LRRTM4: variants seen among roughly 807,000 people sequenced by gnomAD.
LRRTM4 encodes leucine-rich repeat transmembrane neuronal protein 4.
Under a neutral mutation model 47.6 loss-of-function variants are expected in LRRTM4, and 25 were observed. The ratio of observed to expected loss-of-function variants is 0.53; its 90% confidence interval spans 0.38 to 0.73. The LOEUF (loss-of-function observed/expected upper bound fraction) is 0.73, where lower values mean the gene tolerates loss of function less well. Among genes scored for constraint, LRRTM4 ranks in the 30% least tolerant of loss-of-function variants. The pLI is 0.00. For synonymous variants in LRRTM4, 311 were observed against 269.5 expected (o/e 1.15, Z -1.51); for missense variants, 638 against 713.4 (o/e 0.89, Z 1.20).
intron 2 of LRRTM4, among the ~76,000 whole-genome samples, chr2:77,520,208 T>C (rs889288408): frequency 1.3e-5 from 2 of 152,070 alleles, no homozygotes; most frequent in Non-Finnish European, 2.9e-5. Flanking sequence ...AACCACTGTA[T>C]TGAACAACAG....
intron 3 of LRRTM4, among the ~76,000 whole-genome samples, chr2:77,138,385 C>A (rs537463333): frequency 2.6e-5 from 4 of 152,144 alleles, no homozygotes; most frequent in Non-Finnish European, 4.4e-5. Flanking sequence ...GGGTACATAA[C>A]GAAATGAAGG....
intron 3 of LRRTM4, among the ~76,000 whole-genome samples, chr2:76,970,671 A>G (rs1336595528): frequency 4.6e-5 from 7 of 152,056 alleles, no homozygotes; most frequent in Non-Finnish European, 1.0e-4. Flanking sequence ...CCATCTTCAC[A>G]TATGTTCTGC....
intron 3 of LRRTM4, among the ~76,000 whole-genome samples, chr2:77,124,067 T>G (rs1280569053): frequency 6.6e-6 from 1 of 151,336 alleles, no homozygotes; most frequent in African/African-American, 2.5e-5. Flanking sequence ...AGTGATCTAC[T>G]CATTTTTCTA....
intron 3 of LRRTM4, among the ~76,000 whole-genome samples, chr2:77,231,692 T>C (rs533108395): frequency 6.6e-6 from 1 of 152,226 alleles, no homozygotes; most frequent in East Asian, 1.9e-4. Context: ...GCAGGAATCC[T>C]CTCAGGTGCT....
intron 3 of LRRTM4, among the ~76,000 whole-genome samples, chr2:77,331,990 A>G (rs1037941386): frequency 1.1e-4 from 17 of 152,170 alleles, no homozygotes; most frequent in African/African-American, 3.9e-4. Context: ...AATTTAATTA[A>G]TTAAGATCAA....
At chr2:76,873,091 CA>C (rs1397332172) in intron 3 of LRRTM4, among the ~76,000 whole-genome samples, 2 of 152,086 alleles carry the variant, frequency 1.3e-5, no homozygotes, top group Admixed American at 1.3e-4. Context: ...TATAACAACA[CA>C]ACTGAACTAA....
chr2:77,390,532 A>C (rs1367201071), intron 3 of LRRTM4, among the ~76,000 whole-genome samples: 1 of 151,946 alleles, frequency 6.6e-6, no homozygotes, highest in East Asian at 1.9e-4. Flanking sequence ...ATATATGAAG[A>C]TTTAGACATA....
rs551644212 is a variant in LRRTM4, at chr2:76,863,674, AAAT to A, written c.1552-114761_1552-114759del. Among the ~76,000 whole-genome samples the A allele has an allele frequency of 4.8e-3, 736 of 152,288 alleles. 5 individuals are homozygous for A. Among genetic ancestry groups the A allele is most frequent in the African/African-American group, 0.016 (679 of 41,568 alleles). Reference sequence around the variant, plus strand: ...TCTAAAGCTAAGTGCGGAGTTTTTCAAATAATAATATTCAATAGATGCTACTTA... The same window carrying A: ...TCTAAAGCTAAGTGCGGAGTTTTTCAAATAATATTCAATAGATGCTACTTA... On this transcript the variant is annotated intron_variant, in intron 3 of 3. Transcript: ENST00000409884.
At chr2:77,293,562 CAT>C (rs1392982880) in intron 3 of LRRTM4, among the ~76,000 whole-genome samples, 2 of 152,090 alleles carry the variant, frequency 1.3e-5, no homozygotes, top group East Asian at 1.9e-4. Flanking sequence ...AGTCTAAGCT[CAT>C]ATGCATTTTT....
chr2:76,977,299 C>T (rs962147812), intron 3 of LRRTM4, among the ~76,000 whole-genome samples: 4 of 150,854 alleles, frequency 2.7e-5, no homozygotes, highest in Non-Finnish European at 5.9e-5. Context: ...AAATGTTTTG[C>T]TAAGGTCTTC....
At chr2:77,412,815 T>C (rs1200267997) in intron 3 of LRRTM4, among the ~76,000 whole-genome samples, 1 of 152,226 alleles carries the variant, frequency 6.6e-6, no homozygotes, top group African/African-American at 2.4e-5. Context: ...GCTGACATAT[T>C]GGATAGTAAA....
At chr2:77,241,223 C>T (rs987326053) in intron 3 of LRRTM4, among the ~76,000 whole-genome samples, 1 of 110,142 alleles carries the variant, frequency 9.1e-6, no homozygotes, top group East Asian at 2.2e-4. Flanking sequence ...CACACACACA[C>T]ACACACACAC....
At chr2:77,397,833 C>A (rs987212754) in intron 3 of LRRTM4, among the ~76,000 whole-genome samples, 3 of 151,808 alleles carry the variant, frequency 2.0e-5, no homozygotes, top group African/African-American at 7.3e-5. Flanking sequence ...AGACTCTGCA[C>A]CAAGTGTATA....
rs144741374 is a variant in LRRTM4 at position 77,406,775 on chromosome 2, A to G, written c.1551+111543T>C. On this transcript the variant is annotated intron_variant, in intron 3 of 3. Transcript: ENST00000409884. Reference sequence around the variant, plus strand: ...ATGAGAGATTACTTTCATTTAATATAAAGAGCTGAAGTAGAAAACATTTCT... The same window carrying G: ...ATGAGAGATTACTTTCATTTAATATGAAGAGCTGAAGTAGAAAACATTTCT... 3.2e-3 allele frequency among the ~76,000 whole-genome samples: 485 copies of G among 152,312 alleles called. 2 individuals carry two copies. The highest frequency in any genetic ancestry group is 0.011 in the African/African-American group (467 of 41,590).
At chr2:77,311,050 A>G (rs1677441433) in intron 3 of LRRTM4, among the ~76,000 whole-genome samples, 1 of 150,382 alleles carries the variant, frequency 6.6e-6, no homozygotes, top group Non-Finnish European at 1.5e-5. Flanking sequence ...AGATATTTAT[A>G]TACACACACA....
intron 3 of LRRTM4, among the ~76,000 whole-genome samples, chr2:77,098,226 A>G (rs1670862248): frequency 6.6e-6 from 1 of 152,110 alleles, no homozygotes; most frequent in Non-Finnish European, 1.5e-5. Flanking sequence ...GTTAACTGTA[A>G]AAATCAACTT....
intron 3 of LRRTM4, among the ~76,000 whole-genome samples, chr2:77,093,675 C>T (rs187247703): frequency 0.031 from 4,663 of 151,948 alleles, 166 homozygotes; most frequent in African/African-American, 0.064. Flanking sequence ...AATGTCAGGC[C>T]TCTGAGCCCA....
chr2:77,459,331 A>C (rs1287514117), intron 3 of LRRTM4, among the ~76,000 whole-genome samples: 2 of 152,096 alleles, frequency 1.3e-5, no homozygotes, highest in Admixed American at 1.3e-4. Flanking sequence ...TTGTCAAATA[A>C]GGTGATTATT....
intron 3 of LRRTM4, among the ~76,000 whole-genome samples, chr2:77,387,107 C>CA (rs1344549509): frequency 6.6e-6 from 1 of 151,884 alleles, no homozygotes; most frequent in Non-Finnish European, 1.5e-5. Context: ...CCTACCTATG[C>CA]AATTGAGAAT....
Sources: gnomAD v4.1 joint callset for allele counts (sites outside exome capture counted in the v4.1 genomes callset) on GRCh38, gnomAD v4.1.1 for gene constraint, MANE v1.5 for transcripts, NCBI Gene and HGNC (gene_info 2026-07-23, HGNC 2026-07-21) for gene names.